Variants in OGT observed in about 807,000 individuals in gnomAD.
The protein encoded by OGT is UDP-N-acetylglucosamine--peptide N-acetylglucosaminyltransferase 110 kDa subunit.
Under a neutral mutation model 75.8 loss-of-function variants are expected in OGT, and 3 were observed. The ratio of observed to expected loss-of-function variants is 0.04; its 90% CI spans 0.02 to 0.10. OGT has a LOEUF of 0.10. Ranked by LOEUF, OGT falls within the 10% of genes least tolerant of loss-of-function variation. The probability of loss-of-function intolerance (pLI) is 1.00; values close to 1 mark genes in which losing one functional copy is unlikely to be tolerated. For missense variants in OGT, 260 were observed against 824.4 expected (o/e 0.32, Z 8.38); for synonymous variants, 257 against 289.7 (o/e 0.89, Z 1.15).
At chrX:71,538,107 A>G in intron 3 of OGT, 35 bp downstream of exon 3, 1 of 1,184,863 alleles carries the variant, frequency 8.4e-7, no homozygotes, top group East Asian at 3.0e-5. Context: ...TTCCCTTCCT[A>G]GAAACCCAGA....
intron 21 of OGT, among the ~76,000 whole-genome samples, chrX:71,569,212 C>G (rs1041026163): frequency 9.0e-6 from 1 of 111,495 alleles, no homozygotes; most frequent in African/African-American, 3.3e-5. Context: ...TCTGTAGTCC[C>G]AGCTACTTGG....
At chrX:71,571,319 T>G (rs998653886) in intron 21 of OGT, among the ~76,000 whole-genome samples, 1 of 112,312 alleles carries the variant, frequency 8.9e-6, no homozygotes. Flanking sequence ...TCCATCTTAT[T>G]GGACACATTT....
rs894739121 is a variant in OGT, at chrX:71,575,120, C to G, written c.*1326C>G. 1 of 110,872 alleles carries G rather than the reference C, an allele frequency of 9.0e-6. No homozygotes were observed. The highest frequency in any genetic ancestry group is 3.8e-4 in the South Asian group (1 of 2,614). The allele number at this position is 110,872 out of a possible 1,213,427, so 9.1% of individuals were successfully genotyped here. On this transcript the variant is annotated 3_prime_UTR_variant, in exon 22 of 22. Transcript: ENST00000373719. ...AAATTATGGGATCTCAACAAAGGGT[C>G]GAGGGTTTGAGGCTTAAACAAGCCA...
rs758631835 is a variant in OGT, at chrX:71,554,477, C to CT, written c.649-34dup. 8 of 1,049,648 alleles carry CT rather than the reference C, an allele frequency of 7.6e-6. No individual in the cohort carries two copies. The African/African-American group carries it at 1.5e-4, about 19-fold the overall frequency. The allele number at this position is 1,049,648 out of a possible 1,213,427, so 86.5% of individuals were successfully genotyped here. A position where few individuals can be genotyped will look rare whatever the true frequency, so the allele number is the denominator to read the frequency against. ...GGAAGTTGATCTGGTGAAATCCTAA[C>CT]TTGCTCTGAGTAACTAACTGTCTTG... On this transcript the variant is annotated intron_variant, in intron 5 of 21. Transcript: ENST00000373719.
intron 19 of OGT, among the ~76,000 whole-genome samples, chrX:71,566,663 A>G (rs1003653517): frequency 8.9e-6 from 1 of 111,815 alleles, no homozygotes; most frequent in African/African-American, 3.3e-5. Flanking sequence ...TGGGTGGGGG[A>G]CACAGTCAAA....
rs752614071 is a variant in OGT, at chrX:71,549,868, AAAT to A, written c.648+1846_648+1848del. Among the ~76,000 whole-genome samples, 108 of 112,214 alleles carry A rather than the reference AAAT, an allele frequency of 9.6e-4. No homozygotes were observed. In the Middle Eastern group the frequency reaches 0.014, roughly 14 times the overall value. The stretch of plus-strand genomic sequence containing the variant: ...CAGGTCTGGGGCAGGAATTTAAAAA[AAAT>A]TTTTGGAATGTCTTGTCATACCAGA... On this transcript the variant is annotated intron_variant, in intron 5 of 21. Transcript: ENST00000373719.
chrX:71,546,135 T>A (rs2040258066), intron 4 of OGT: 2 of 752,423 alleles, frequency 2.7e-6, no homozygotes, highest in Admixed American at 1.7e-4. Flanking sequence ...GAAGAGCCTT[T>A]CTTCCAGCAA....
chrX:71,543,417 C>T (rs977703351), intron 3 of OGT, among the ~76,000 whole-genome samples: 1 of 111,160 alleles, frequency 9.0e-6, no homozygotes, highest in Non-Finnish European at 1.9e-5. Flanking sequence ...AGTCAGATGA[C>T]TAGCAGCACA....
At chrX:71,560,976 G>A (rs2040379968) in intron 14 of OGT, among the ~76,000 whole-genome samples, 1 of 109,507 alleles carries the variant, frequency 9.1e-6, no homozygotes. Flanking sequence ...CGCCCAGGGT[G>A]GAATGCAGTG....
In OGT at chrX:71,557,780, C is replaced by T. The variant is rs773669499; in HGVS notation, c.1602+108C>T. ...TGAACGATTATAAAGTGAACACCAC[C>T]CAAGTCGAGAAATAAAACTTTTGTG... is the stretch of plus-strand genomic sequence containing the variant. On this transcript the variant is annotated intron_variant, in intron 12 of 21. Transcript: ENST00000373719. 4 of 702,579 alleles carry T rather than the reference C, an allele frequency of 5.7e-6. No homozygotes were observed. The African/African-American group carries it at 8.9e-5, about 16-fold the overall frequency. The allele number at this position is 702,579 out of a possible 1,213,427, so 57.9% of individuals were successfully genotyped here.
intron 6 of OGT, 81 bp from the exon 7 acceptor site, chrX:71,555,109 C>A: frequency 1.4e-6 from 1 of 739,148 alleles, no homozygotes; most frequent in Non-Finnish European, 2.0e-6. Context: ...TTGTAACAAA[C>A]CATCCATTAA....
rs1245881965 is a variant in OGT at position 71,559,567 on chromosome X, AT to A, written c.1762-20del. Reference sequence around the variant, plus strand: ...AAGATTTGAGCCAATGTTATTAAATATGCCATGTGCTGCCTTTCAGGTGTTC... The same window carrying A: ...AAGATTTGAGCCAATGTTATTAAATAGCCATGTGCTGCCTTTCAGGTGTTC... On this transcript the variant is annotated intron_variant, in intron 13 of 21. Transcript: ENST00000373719. 2 of 1,190,049 alleles carry A rather than the reference AT, an allele frequency of 1.7e-6. No homozygotes were observed. The highest frequency in any genetic ancestry group is 3.0e-5 in the East Asian group (1 of 33,545).
intron 4 of OGT, 129 bp downstream of exon 4, chrX:71,544,764 G>A (rs1182535104): frequency 5.5e-6 from 3 of 546,999 alleles, no homozygotes; most frequent in Non-Finnish European, 9.2e-6. Flanking sequence ...CTGACGGCAC[G>A]AATCGCCTCA....
intron 5 of OGT, among the ~76,000 whole-genome samples, chrX:71,550,771 C>T (rs540728633): frequency 1.8e-5 from 2 of 111,337 alleles, no homozygotes; most frequent in African/African-American, 6.5e-5. Context: ...CTTTTGTTAT[C>T]TGTGCTTTAT....
intron 5 of OGT, among the ~76,000 whole-genome samples, chrX:71,548,490 A>G (rs1399217363): frequency 5.4e-5 from 6 of 111,652 alleles, no homozygotes; most frequent in Non-Finnish European, 1.1e-4. Flanking sequence ...TATGTTCATC[A>G]CTTCACAATA....
At chrX:71,545,737 T>C (rs1238520025) in intron 4 of OGT, 7 of 112,847 alleles carry the variant, frequency 6.2e-5, no homozygotes, top group African/African-American at 1.6e-4. Flanking sequence ...ATTAACCTTA[T>C]GTAGGTTGCC....
At chrX:71,571,971 G>A (rs1199830369) in intron 21 of OGT, among the ~76,000 whole-genome samples, 1 of 109,153 alleles carries the variant, frequency 9.2e-6, no homozygotes. Flanking sequence ...GGGTTTCACC[G>A]TGTTAGCCAG....
intron 4 of OGT, chrX:71,546,067 T>C (rs2040257683): frequency 3.6e-6 from 2 of 549,365 alleles, no homozygotes; most frequent in South Asian, 9.5e-5. Context: ...CATTTGAAAA[T>C]TCAAGCCAGC....
chrX:71,551,615 G>A (rs1482999408), intron 5 of OGT, among the ~76,000 whole-genome samples: 1 of 111,971 alleles, frequency 8.9e-6, no homozygotes, highest in Non-Finnish European at 1.9e-5. Flanking sequence ...CTGGGCGACA[G>A]AGCAAGACTC....
Sources: gnomAD v4.1 joint callset for allele counts (sites outside exome capture counted in the v4.1 genomes callset) on GRCh38, gnomAD v4.1.1 for gene constraint, MANE v1.5 for transcripts, NCBI Gene and HGNC (gene_info 2026-07-23, HGNC 2026-07-21) for gene names.